Variants in EXOC2 observed in about 807,000 individuals in gnomAD.
EXOC2 encodes the protein SEC5-like 1.
A neutral mutation model predicts 131.8 loss-of-function variants in EXOC2; 70 were observed. The observed-to-expected ratio is 0.53, with a 90% CI of 0.44 to 0.65. The LOEUF (loss-of-function observed/expected upper bound fraction) is 0.65. Among genes scored for constraint, EXOC2 ranks in the 30% least tolerant of loss-of-function variants. The pLI is 0.00. For synonymous variants in EXOC2, 411 were observed against 398.4 expected, an observed-to-expected ratio of 1.03 and a Z score of -0.38; for missense variants, 923 against 1,108.6, an observed-to-expected ratio of 0.83 and a Z score of 2.38.
In EXOC2 at chr6:654,803, C is replaced by CA. The variant is rs66637987; in HGVS notation, c.-43-16943dup. Among the ~76,000 whole-genome samples the CA allele has an allele frequency of 4.2e-3, 124 of 29,558 alleles. 32 individuals are homozygous for CA. The highest frequency in any genetic ancestry group is 9.9e-3 in the African/African-American group (104 of 10,502). The allele number at this position is 29,558 out of a possible 152,430, so 19.4% of individuals were successfully genotyped here. On this transcript the variant is annotated intron_variant, in intron 1 of 27. Transcript: ENST00000230449. The stretch of plus-strand genomic sequence containing the variant: ...TGGGTGACAGAGTAAGACCCTGTCT[C>CA]AAAAAAAAAAAAAAAAAAAAAAAAA...
At position 592,553 on chromosome 6, in the gene EXOC2, C is replaced by T. The variant is rs1759599862; in HGVS notation, c.1108G>A (p.Ala370Thr). The T allele has an allele frequency of 1.2e-6, 2 of 1,613,918 alleles. No homozygotes were observed. Among genetic ancestry groups the T allele is most frequent in the African/African-American group, 1.3e-5 (1 of 74,894 alleles). The change falls in exon 11 of 28, where the codon GCT becomes ACT. Residue 370 changes from alanine (A) to threonine (T), a missense_variant. Coordinates refer to ENST00000230449, the MANE Select transcript of EXOC2 (RefSeq NM_018303.6). ...TGTTGGGCTCCAATGCATTGCCAAG[C>T]AGGGTCACCAGACGCATGAAGGTCA... The part of the protein sequence containing the change: ...LSDLHASGDP[A>T]WQCIGAQHKW...
At chr6:515,614 TA>T (rs1765106833) in intron 23 of EXOC2, among the ~76,000 whole-genome samples, 1 of 150,632 alleles carries the variant, frequency 6.6e-6, no homozygotes, top group Non-Finnish European at 1.5e-5. Context: ...ACCGTAATCA[TA>T]CAACGATTTC....
chr6:660,334 A>G (rs1763369452), intron 1 of EXOC2, among the ~76,000 whole-genome samples: 1 of 152,194 alleles, frequency 6.6e-6, no homozygotes, highest in Admixed American at 6.5e-5. Flanking sequence ...CAAAAGGCCA[A>G]CTAGCACCAA....
chr6:566,894 G>A (rs1478551505), intron 13 of EXOC2, among the ~76,000 whole-genome samples: 1 of 152,072 alleles, frequency 6.6e-6, no homozygotes, highest in Non-Finnish European at 1.5e-5. Flanking sequence ...TCTTTCTTAG[G>A]TCTTTCTGGC....
intron 2 of EXOC2, among the ~76,000 whole-genome samples, chr6:634,219 C>T (rs1268706875): frequency 6.6e-6 from 1 of 152,098 alleles, no homozygotes; most frequent in Non-Finnish European, 1.5e-5. Context: ...GTGAGCACCA[C>T]CACGCTCGGC....
rs758659885 is a variant in EXOC2, at chr6:603,605, ATCT to A, written c.743-4383_743-4381del. ...TGCTAATATTAGGTTAATTTTTTCT[ATCT>A]TCTTCTTTTTTTTTTTGAATGCATG... On this transcript the variant is annotated intron_variant, in intron 7 of 27. Coordinates refer to ENST00000230449, the MANE Select transcript of EXOC2 (RefSeq NM_018303.6). Among the ~76,000 whole-genome samples the A allele has an allele frequency of 2.3e-4, 35 of 151,470 alleles. 1 individual carries two copies. Among genetic ancestry groups the A allele is most frequent in the East Asian group, 9.6e-4 (5 of 5,182 alleles).
intron 13 of EXOC2, among the ~76,000 whole-genome samples, chr6:568,263 T>C (rs1315032233): frequency 6.6e-6 from 1 of 152,168 alleles, no homozygotes; most frequent in East Asian, 1.9e-4. Context: ...GCTCAATCAG[T>C]TGAAGGCCTG....
intron 23 of EXOC2, among the ~76,000 whole-genome samples, chr6:503,774 G>A (rs572822807): frequency 1.1e-4 from 16 of 152,202 alleles, no homozygotes; most frequent in African/African-American, 2.4e-4. Flanking sequence ...GGTCTTCCTC[G>A]TTCAGAATTT....
At chr6:651,829 G>A (rs187263514) in intron 1 of EXOC2, among the ~76,000 whole-genome samples, 16 of 151,722 alleles carry the variant, frequency 1.1e-4, no homozygotes, top group Non-Finnish European at 1.9e-4. Context: ...AGGCCGAGGC[G>A]GGCAGATCAT....
intron 23 of EXOC2, among the ~76,000 whole-genome samples, chr6:503,046 C>T (rs1335736054): frequency 6.6e-6 from 1 of 152,180 alleles, no homozygotes; most frequent in African/African-American, 2.4e-5. Context: ...TCATAACCTC[C>T]CAGTGCAGTG....
chr6:674,741 TGTTG>T (rs144420951), intron 1 of EXOC2, among the ~76,000 whole-genome samples: 21,643 of 151,578 alleles, frequency 0.14, 1,695 homozygotes, highest in African/African-American at 0.2. Flanking sequence ...TTTGTTTGTT[TGTTG>T]TCAGTGCTTT....
intron 1 of EXOC2, among the ~76,000 whole-genome samples, chr6:643,859 T>C (rs1441632724): frequency 1.3e-5 from 2 of 152,096 alleles, no homozygotes; most frequent in African/African-American, 4.8e-5. Context: ...GGAATAACCA[T>C]AGATACTAAA....
chr6:532,530 G>A lies in EXOC2; in HGVS notation c.2319C>T (p.Gly773=). ...CTGCATAAATTCCAGGTTCTAAGGA[G>A]CCAACGATGGGATCTGCTTTCAACT... ...YIELKADPIV[G]SLEPGIYAGY... Residue 773 remains glycine, a synonymous_variant, in exon 23 of 28, where the codon GGC becomes GGT. Transcript: ENST00000230449. The A allele has an allele frequency of 6.2e-7, 1 of 1,608,632 alleles. No individual in the cohort carries two copies. The highest frequency in any genetic ancestry group is 8.5e-7 in the Non-Finnish European group (1 of 1,178,352).
chr6:633,671 C>T (rs1300195633), intron 2 of EXOC2, among the ~76,000 whole-genome samples: 1 of 152,182 alleles, frequency 6.6e-6, no homozygotes, highest in Non-Finnish European at 1.5e-5. Flanking sequence ...GAAGTGTGCT[C>T]AGGCATTACT....
chr6:656,719 C>G (rs371301949), intron 1 of EXOC2: 2 of 1,595,770 alleles, frequency 1.3e-6, no homozygotes, highest in African/African-American at 1.3e-5. Flanking sequence ...TGGATCTCAT[C>G]GAGATCTTCC....
intron 12 of EXOC2, among the ~76,000 whole-genome samples, chr6:575,917 A>G (rs1352208807): frequency 6.6e-6 from 1 of 152,222 alleles, no homozygotes; most frequent in Non-Finnish European, 1.5e-5. Context: ...AGGAATGAGA[A>G]TCGGACAAGA....
chr6:523,450 G>A (rs955011163), intron 23 of EXOC2, among the ~76,000 whole-genome samples: 1 of 152,230 alleles, frequency 6.6e-6, no homozygotes, highest in African/African-American at 2.4e-5. Context: ...GTATAGTATA[G>A]ACTTGGTAAT....
intron 3 of EXOC2, 145 bp downstream of exon 3, chr6:632,796 C>CA (rs1761919170): frequency 2.4e-6 from 2 of 827,820 alleles, no homozygotes; most frequent in Admixed American, 6.0e-5. Flanking sequence ...TAACCAACAT[C>CA]CCAATCCTGT....
rs1329687545 is a variant in EXOC2, at chr6:488,968, A to G, written c.2681+11T>C. ...TTCAACTGGCTCCTAAGAACAGCAC[A>G]CAGGACTTACTTTTTATCTGCTCCA... is the stretch of plus-strand genomic sequence containing the variant. On this transcript the variant is annotated intron_variant, in intron 27 of 27. Coordinates refer to ENST00000230449, the MANE Select transcript of EXOC2 (RefSeq NM_018303.6). 1 of 1,613,946 alleles carries G rather than the reference A, an allele frequency of 6.2e-7. No individual in the cohort carries two copies. The highest frequency in any genetic ancestry group is 1.7e-5 in the Admixed American group (1 of 60,004).
Sources: gnomAD v4.1 joint callset for allele counts (sites outside exome capture counted in the v4.1 genomes callset) on GRCh38, gnomAD v4.1.1 for gene constraint, MANE v1.5 for transcripts, NCBI Gene and HGNC (gene_info 2026-07-23, HGNC 2026-07-21) for gene names.